GALNT13: variants seen among roughly 807,000 people sequenced by gnomAD.
GALNT13 encodes the protein polypeptide N-acetylgalactosaminyltransferase 13.
Under a neutral mutation model 64.2 loss-of-function variants are expected in GALNT13, and 28 were observed. The observed-to-expected ratio is 0.44, with a 90% CI of 0.32 to 0.60. The LOEUF (loss-of-function observed/expected upper bound fraction) is 0.60. GALNT13 is among the 20% of genes least tolerant of loss of function. GALNT13 has a pLI of 0.05. For missense variants in GALNT13, 577 were observed against 669.8 expected (o/e 0.86, Z 1.53); for synonymous variants, 214 against 224.6 (o/e 0.95, Z 0.42).
the GALNT13 span, among the ~76,000 whole-genome samples, chr2:153,692,543 T>G: frequency 6.6e-6 from 1 of 152,208 alleles, no homozygotes; most frequent in Non-Finnish European, 1.5e-5. Context: ...TTTCCAGATA[T>G]TGTTTCTTTA....
the GALNT13 span, among the ~76,000 whole-genome samples, chr2:153,345,645 TTCTTTC>T: frequency 6.7e-5 from 8 of 120,164 alleles, no homozygotes; most frequent in Admixed American, 2.8e-4. Flanking sequence ...TTTTCTTTCT[TTCTTTC>T]TTTCTTTCTT....
intron 4 of GALNT13, among the ~76,000 whole-genome samples, chr2:154,171,684 G>A (rs73005475): frequency 0.01 from 1,551 of 152,184 alleles, 33 homozygotes; most frequent in African/African-American, 0.035. Context: ...TATTAAGACA[G>A]GCACAGTGAA....
the GALNT13 span, among the ~76,000 whole-genome samples, chr2:153,667,134 T>C: frequency 6.6e-6 from 1 of 152,082 alleles, no homozygotes; most frequent in East Asian, 1.9e-4. Context: ...TGATATGAGA[T>C]TATGTAAAGG....
At chr2:153,191,267 G>C in the GALNT13 span, among the ~76,000 whole-genome samples, 1 of 151,992 alleles carries the variant, frequency 6.6e-6, no homozygotes, top group African/African-American at 2.4e-5. Flanking sequence ...TGTTTGTTGA[G>C]TGTATTTATC....
At chr2:153,961,055 A>AT (rs1458301395) in intron 3 of GALNT13, among the ~76,000 whole-genome samples, 1 of 152,172 alleles carries the variant, frequency 6.6e-6, no homozygotes, top group Non-Finnish European at 1.5e-5. Flanking sequence ...AAATATGTAT[A>AT]TTTTTGTATA....
the GALNT13 span, among the ~76,000 whole-genome samples, chr2:153,627,958 C>T: frequency 4.6e-5 from 7 of 152,168 alleles, no homozygotes; most frequent in East Asian, 9.7e-4. Flanking sequence ...GCCATTTTCA[C>T]GATATTGATT....
At chr2:153,357,345 G>A in the GALNT13 span, 1 of 152,124 alleles carries the variant, frequency 6.6e-6, no homozygotes, top group Non-Finnish European at 1.5e-5. Flanking sequence ...TACTGAAGGT[G>A]TTTATTTCAA....
intron 3 of GALNT13, among the ~76,000 whole-genome samples, chr2:154,087,436 T>A (rs1171804583): frequency 6.6e-6 from 1 of 152,084 alleles, no homozygotes; most frequent in Non-Finnish European, 1.5e-5. Context: ...TATAAATCCA[T>A]CTTGCAGTTT....
the GALNT13 span, chr2:153,477,619 A>T: frequency 1.1e-4 from 14 of 133,060 alleles, no homozygotes; most frequent in African/African-American, 3.9e-4. Context: ...GTAACTCCTC[A>T]GGCAGGCAAA....
intron 8 of GALNT13, among the ~76,000 whole-genome samples, chr2:154,275,108 C>A (rs1691570683): frequency 6.6e-6 from 1 of 152,050 alleles, no homozygotes. Context: ...TTCTAAGCCG[C>A]AGACCATTTA....
the GALNT13 span, among the ~76,000 whole-genome samples, chr2:153,286,720 T>C: frequency 3.3e-5 from 5 of 152,230 alleles, no homozygotes; most frequent in African/African-American, 9.6e-5. Flanking sequence ...GTCAACTAAA[T>C]TGTATATCAT....
chr2:153,277,896 A>T, the GALNT13 span, among the ~76,000 whole-genome samples: 4 of 101,222 alleles, frequency 4.0e-5, no homozygotes, highest in Admixed American at 9.5e-5. Context: ...GAATTGCTTG[A>T]GTTTCTTTTT....
chr2:154,283,031 T>G (rs557858008), intron 8 of GALNT13, among the ~76,000 whole-genome samples: 1 of 152,328 alleles, frequency 6.6e-6, no homozygotes, highest in East Asian at 1.9e-4. Context: ...AACCTTTATG[T>G]CTGTTCCATT....
intron 3 of GALNT13, among the ~76,000 whole-genome samples, chr2:154,011,599 T>C (rs1294621768): frequency 6.6e-6 from 1 of 152,116 alleles, no homozygotes; most frequent in Non-Finnish European, 1.5e-5. Flanking sequence ...TTTGGTCAAG[T>C]GTTGTATTCA....
At chr2:153,900,073 C>A (rs1688138226) in intron 1 of GALNT13, among the ~76,000 whole-genome samples, 2 of 151,038 alleles carry the variant, frequency 1.3e-5, no homozygotes, top group Admixed American at 6.6e-5. Context: ...GTAGCTGGGA[C>A]TACAGGCACT....
chr2:153,424,945 A>G, the GALNT13 span, among the ~76,000 whole-genome samples: 2 of 151,880 alleles, frequency 1.3e-5, no homozygotes, highest in Admixed American at 1.3e-4. Flanking sequence ...TGAATGAATC[A>G]TGTCTACCTA....
chr2:154,148,314 C>G (rs2105608842), intron 4 of GALNT13, among the ~76,000 whole-genome samples: 1 of 152,058 alleles, frequency 6.6e-6, no homozygotes, highest in East Asian at 1.9e-4. Context: ...TTTTCTTAAT[C>G]CAGTCTATCA....
Position 154,319,403 on chromosome 2 carries a change from C to T in GALNT13, c.1156+17814C>T, listed in dbSNP as rs929113627. On this transcript the variant is annotated intron_variant, in intron 9 of 12. Coordinates refer to ENST00000392825, the MANE Select transcript of GALNT13 (RefSeq NM_052917.4). ...AATATAGGCCAAGTGTAGTGGCTTA[C>T]GCCTGTAATCCCAGCATTTTGGGAG... 5.3e-5 allele frequency among the ~76,000 whole-genome samples: 8 copies of T among 152,210 alleles called. No homozygotes were observed. The East Asian group carries it at 1.4e-3, about 26-fold the overall frequency.
At chr2:153,959,742 A>C (rs1692808602) in intron 3 of GALNT13, among the ~76,000 whole-genome samples, 2 of 152,312 alleles carry the variant, frequency 1.3e-5, no homozygotes, top group African/African-American at 4.8e-5. Flanking sequence ...GCTGCCTCAG[A>C]GGGAGAGGCC....
Sources: allele counts gnomAD v4.1 joint callset (sites outside exome capture counted in the v4.1 genomes callset), GRCh38; gene constraint gnomAD v4.1.1; transcripts MANE v1.5; gene names NCBI Gene and HGNC (gene_info 2026-07-23, HGNC 2026-07-21).